C3orf70: variants seen among roughly 807,000 people sequenced by gnomAD.
The protein encoded by C3orf70 is chromosome 3 open reading frame 70, also known as UPF0524 protein C3orf70.
Under a neutral mutation model 20.7 loss-of-function variants are expected in C3orf70, and 15 were observed. The ratio of observed to expected loss-of-function variants is 0.72; its 90% CI spans 0.48 to 1.11. C3orf70 has a LOEUF of 1.11. Ranked by LOEUF, C3orf70 falls within the 50% of genes most tolerant of loss-of-function variation. The probability of loss-of-function intolerance (pLI) is 0.00; values close to 1 mark genes in which losing one functional copy is unlikely to be tolerated. For missense variants in C3orf70, 332 were observed against 317.6 expected, an observed-to-expected ratio of 1.05 and a Z score of -0.34; for synonymous variants, 161 against 125.7, an observed-to-expected ratio of 1.28 and a Z score of -1.88.
At chr3:185,149,396 A>C (rs75430032) in intron 1 of C3orf70, among the ~76,000 whole-genome samples, 8 of 146,578 alleles carry the variant, frequency 5.5e-5, no homozygotes, top group East Asian at 3.9e-4. Context: ...CTGTCTCCCA[A>C]AAAAAAAAAA....
intron 1 of C3orf70, among the ~76,000 whole-genome samples, chr3:185,088,024 G>A (rs948900853): frequency 3.3e-5 from 5 of 150,924 alleles, no homozygotes; most frequent in Non-Finnish European, 7.4e-5. Context: ...CGATTCTCCT[G>A]CCTCAGCCTC....
chr3:185,077,789 T>TGGG lies in C3orf70; in HGVS notation c.*5215_*5217dup, dbSNP rs10663284. ...TGAAATAAATGCTATTTGGTGGTGGTGGGGGGGGGGTATCAAGTTTTATTT... is the reference window on the plus strand; with the variant it reads ...TGAAATAAATGCTATTTGGTGGTGGTGGGGGGGGGGGGGTATCAAGTTTTATTT... On this transcript the variant is annotated 3_prime_UTR_variant, in exon 2 of 2. Coordinates refer to ENST00000335012, the MANE Select transcript of C3orf70 (RefSeq NM_001025266.3). 0.19 allele frequency among the ~76,000 whole-genome samples: 23,241 copies of TGGG among 121,460 alleles called. 2,052 individuals are homozygous for TGGG. The highest frequency in any genetic ancestry group is 0.26 in the South Asian group (889 of 3,396). 79.7% of individuals were successfully genotyped at this position (121,460 alleles called of 152,430 possible).
At chr3:185,122,754 C>T (rs1230214624) in intron 1 of C3orf70, among the ~76,000 whole-genome samples, 2 of 152,086 alleles carry the variant, frequency 1.3e-5, no homozygotes, top group African/African-American at 2.4e-5. Context: ...ACCTCAATGT[C>T]GGCAAGCATC....
chr3:185,111,416 G>C (rs979802671), intron 1 of C3orf70, among the ~76,000 whole-genome samples: 2 of 152,122 alleles, frequency 1.3e-5, no homozygotes, highest in Admixed American at 1.3e-4. Flanking sequence ...ATTTTAAAAT[G>C]ATCAAAAGGA....
intron 1 of C3orf70, among the ~76,000 whole-genome samples, chr3:185,090,955 CAT>C (rs1715556853): frequency 6.6e-6 from 1 of 152,134 alleles, no homozygotes. Flanking sequence ...TGTGGCGGAA[CAT>C]ATTGTAAAGC....
chr3:185,141,636 A>C lies in C3orf70; in HGVS notation c.196+10992T>G, dbSNP rs533285242. On this transcript the variant is annotated intron_variant, in intron 1 of 1. Coordinates refer to ENST00000335012, the MANE Select transcript of C3orf70 (RefSeq NM_001025266.3). ...ATGGATCTCCAGAGAGTTATGCTGA[A>C]TGAAAAAAGCCAATCACAAAAGGTT... is the stretch of plus-strand genomic sequence containing the variant. Among the ~76,000 whole-genome samples, 3 of 152,364 alleles carry C rather than the reference A, an allele frequency of 2.0e-5. No homozygotes were observed. In the South Asian group the frequency reaches 6.2e-4, roughly 32 times the overall value.
chr3:185,128,141 G>C (rs1716451144), intron 1 of C3orf70, among the ~76,000 whole-genome samples: 1 of 152,156 alleles, frequency 6.6e-6, no homozygotes, highest in African/African-American at 2.4e-5. Context: ...ACCTGACAAT[G>C]GTCCTCACTG....
intron 1 of C3orf70, among the ~76,000 whole-genome samples, chr3:185,084,884 A>G (rs975463380): frequency 3.3e-5 from 5 of 152,204 alleles, no homozygotes; most frequent in Non-Finnish European, 7.4e-5. Context: ...TGTGGGCATC[A>G]TTTTGAATTT....
chr3:185,083,610 T>C (rs761034428), intron 1 of C3orf70, 47 bp from the exon 2 acceptor site: 1 of 1,473,760 alleles, frequency 6.8e-7, no homozygotes, highest in East Asian at 2.3e-5. Context: ...ACACAAACTA[T>C]ATTAACATGG....
At chr3:185,129,982 AAC>A (rs1359366477) in intron 1 of C3orf70, among the ~76,000 whole-genome samples, 1 of 152,246 alleles carries the variant, frequency 6.6e-6, no homozygotes, top group Non-Finnish European at 1.5e-5. Flanking sequence ...CTAAAATAAC[AAC>A]CAGGCTTCTG....
chr3:185,138,713 T>C (rs1218688591), intron 1 of C3orf70, among the ~76,000 whole-genome samples: 1 of 152,198 alleles, frequency 6.6e-6, no homozygotes, highest in African/African-American at 2.4e-5. Flanking sequence ...AAGATTTTTT[T>C]TAAAACCTCT....
chr3:185,090,940 T>C (rs552099671), intron 1 of C3orf70, among the ~76,000 whole-genome samples: 2 of 152,302 alleles, frequency 1.3e-5, no homozygotes, highest in South Asian at 4.1e-4. Flanking sequence ...GTATAACTTC[T>C]TTAGTGTGGC....
At chr3:185,149,236 T>C (rs186203150) in intron 1 of C3orf70, among the ~76,000 whole-genome samples, 11 of 152,066 alleles carry the variant, frequency 7.2e-5, no homozygotes, top group African/African-American at 2.7e-4. Flanking sequence ...CTACTAAAAA[T>C]ATAAAATTAG....
At chr3:185,105,117 A>G (rs192379144) in intron 1 of C3orf70, among the ~76,000 whole-genome samples, 1 of 152,272 alleles carries the variant, frequency 6.6e-6, no homozygotes, top group Non-Finnish European at 1.5e-5. Flanking sequence ...TGTTAAAATT[A>G]GCAAATATAC....
At chr3:185,096,064 A>G (rs904989606) in intron 1 of C3orf70, among the ~76,000 whole-genome samples, 6 of 152,124 alleles carry the variant, frequency 3.9e-5, no homozygotes, top group African/African-American at 1.2e-4. Flanking sequence ...ACCATAATAA[A>G]CACATTCAAG....
intron 1 of C3orf70, among the ~76,000 whole-genome samples, chr3:185,120,112 G>A (rs1716267660): frequency 6.6e-6 from 1 of 151,660 alleles, no homozygotes; most frequent in South Asian, 2.1e-4. Flanking sequence ...AATCACTTAA[G>A]ATATGTATAT....
chr3:185,120,546 C>T (rs1716275747), intron 1 of C3orf70, among the ~76,000 whole-genome samples: 1 of 151,718 alleles, frequency 6.6e-6, no homozygotes, highest in Non-Finnish European at 1.5e-5. Flanking sequence ...AAAAACAATC[C>T]CATCAAAAAG....
chr3:185,098,306 C>A (rs1199806623), intron 1 of C3orf70, among the ~76,000 whole-genome samples: 2 of 152,194 alleles, frequency 1.3e-5, no homozygotes, highest in Non-Finnish European at 2.9e-5. Context: ...TATTAAAATG[C>A]TACTAATCCC....
At chr3:185,098,033 T>C (rs984164754) in intron 1 of C3orf70, among the ~76,000 whole-genome samples, 1 of 152,156 alleles carries the variant, frequency 6.6e-6, no homozygotes, top group Non-Finnish European at 1.5e-5. Flanking sequence ...AGATTATCAC[T>C]TGACAATATA....
Sources: allele counts gnomAD v4.1 joint callset (sites outside exome capture counted in the v4.1 genomes callset), GRCh38; gene constraint gnomAD v4.1.1; transcripts MANE v1.5; gene names NCBI Gene and HGNC (gene_info 2026-07-23, HGNC 2026-07-21).